The following ATXN1 variants were observed in gnomAD, a reference collection of about 807,000 sequenced individuals.
ATXN1 encodes ataxin 1.
In ATXN1, 8 loss-of-function variants were observed where a neutral mutation model predicts 56.4. The ratio of observed to expected loss-of-function variants is 0.14; its 90% confidence interval spans 0.08 to 0.26. The LOEUF (loss-of-function observed/expected upper bound fraction) is 0.26. Ranked by LOEUF, ATXN1 falls within the 10% of genes least tolerant of loss-of-function variation. The pLI is 1.00. For missense variants in ATXN1, 987 were observed against 1,106.5 expected (o/e 0.89, Z 1.53); for synonymous variants, 514 against 494.6 (o/e 1.04, Z -0.52).
At chr6:16,718,105 G>C (rs939713022) in intron 2 of ATXN1, among the ~76,000 whole-genome samples, 1 of 152,242 alleles carries the variant, frequency 6.6e-6, no homozygotes, top group Non-Finnish European at 1.5e-5. Context: ...AAGGTGCAAT[G>C]AACAGTTTAT....
chr6:16,594,953 C>T (rs1762788986), intron 3 of ATXN1, among the ~76,000 whole-genome samples: 1 of 152,164 alleles, frequency 6.6e-6, no homozygotes, highest in African/African-American at 2.4e-5. Flanking sequence ...TTAGATTGGA[C>T]TGAGGGTTAA....
intron 6 of ATXN1, among the ~76,000 whole-genome samples, chr6:16,397,088 G>A (rs1357012636): frequency 6.6e-6 from 1 of 152,170 alleles, no homozygotes; most frequent in African/African-American, 2.4e-5. Flanking sequence ...ATGCACGACT[G>A]TCCTATATGG....
chr6:16,659,820 C>G (rs1268268651), intron 2 of ATXN1, among the ~76,000 whole-genome samples: 1 of 152,032 alleles, frequency 6.6e-6, no homozygotes, highest in Non-Finnish European at 1.5e-5. Flanking sequence ...ATATTATTTT[C>G]AACTATCTTG....
At chr6:16,441,103 G>A (rs1450497055) in intron 6 of ATXN1, among the ~76,000 whole-genome samples, 2 of 152,138 alleles carry the variant, frequency 1.3e-5, no homozygotes, top group African/African-American at 4.8e-5. Flanking sequence ...ATGGGGTGAG[G>A]GCAAGGAACC....
At chr6:16,707,303 AG>A (rs1759428795) in intron 2 of ATXN1, among the ~76,000 whole-genome samples, 1 of 152,196 alleles carries the variant, frequency 6.6e-6, no homozygotes, top group Non-Finnish European at 1.5e-5. Context: ...AGAATAGGGT[AG>A]GAAAAAATAA....
At chr6:16,341,606 C>T (rs562310493) in intron 6 of ATXN1, among the ~76,000 whole-genome samples, 1 of 150,468 alleles carries the variant, frequency 6.6e-6, no homozygotes, top group South Asian at 2.1e-4. Flanking sequence ...GCAAGCTCCA[C>T]CTCCCGGGTT....
At chr6:16,346,002 GCA>G (rs1458311348) in intron 6 of ATXN1, among the ~76,000 whole-genome samples, 1 of 152,158 alleles carries the variant, frequency 6.6e-6, no homozygotes, top group African/African-American at 2.4e-5. Context: ...TCTGAATGAG[GCA>G]CACTGTCAAA....
At chr6:16,594,406 T>C (rs1337426898) in intron 3 of ATXN1, among the ~76,000 whole-genome samples, 1 of 151,956 alleles carries the variant, frequency 6.6e-6, no homozygotes, top group African/African-American at 2.4e-5. Context: ...TGATAAATCA[T>C]TTCAGAATCA....
intron 3 of ATXN1, among the ~76,000 whole-genome samples, chr6:16,586,747 A>G (rs171055): frequency 0.18 from 27,164 of 152,188 alleles, 4,702 homozygotes; most frequent in African/African-American, 0.46. Context: ...GGGCTGGGGC[A>G]TGGTGGCTCA....
chr6:16,344,831 C>A (rs994138796), intron 6 of ATXN1, among the ~76,000 whole-genome samples: 1 of 152,334 alleles, frequency 6.6e-6, no homozygotes, highest in Middle Eastern at 3.4e-3. Flanking sequence ...TCCTGTCTGT[C>A]TAGAGAACCC....
intron 7 of ATXN1, among the ~76,000 whole-genome samples, chr6:16,324,292 T>C (rs1029238286): frequency 2.6e-5 from 4 of 152,074 alleles, no homozygotes; most frequent in Admixed American, 6.6e-5. Context: ...AAATGTTTTT[T>C]ATTTTTAAAT....
intron 2 of ATXN1, among the ~76,000 whole-genome samples, chr6:16,693,122 G>A (rs894404170): frequency 6.6e-6 from 1 of 152,192 alleles, no homozygotes; most frequent in Non-Finnish European, 1.5e-5. Flanking sequence ...CAGAAGAACT[G>A]ATATCTACCT....
At position 16,448,524 on chromosome 6, in the gene ATXN1, C is replaced by T. The variant is rs116198721; in HGVS notation, c.-161+37448G>A. On this transcript the variant is annotated intron_variant, in intron 6 of 7. Transcript: ENST00000436367. ...TACTATTGAATCCTAAAACTTACTC[C>T]TTCTATTTAACTGTATTTTTGTATC... Among the ~76,000 whole-genome samples, 1,288 of 152,246 alleles carry T rather than the reference C, an allele frequency of 8.5e-3. 5 individuals carry two copies. The highest frequency in any genetic ancestry group is 0.015 in the Non-Finnish European group (987 of 68,008).
chr6:16,512,263 G>A (rs781324180), intron 5 of ATXN1, among the ~76,000 whole-genome samples: 3 of 152,178 alleles, frequency 2.0e-5, no homozygotes, highest in East Asian at 1.9e-4. Context: ...TTGAGTATCC[G>A]TAAATAACTC....
chr6:16,702,850 T>C (rs1163634621), intron 2 of ATXN1, among the ~76,000 whole-genome samples: 1 of 152,180 alleles, frequency 6.6e-6, no homozygotes, highest in Non-Finnish European at 1.5e-5. Flanking sequence ...GGAGAGGATG[T>C]GGAGACATAG....
intron 4 of ATXN1, among the ~76,000 whole-genome samples, chr6:16,527,858 T>C (rs572121185): frequency 6.6e-6 from 1 of 152,308 alleles, no homozygotes; most frequent in African/African-American, 2.4e-5. Flanking sequence ...ATTCAGGACC[T>C]GGTGAGATGT....
chr6:16,493,431 C>T (rs1040778534), intron 5 of ATXN1, among the ~76,000 whole-genome samples: 4 of 148,720 alleles, frequency 2.7e-5, no homozygotes, highest in Non-Finnish European at 5.9e-5. Context: ...TATTCTACAA[C>T]TTTCTCAATC....
rs954079686 is a variant in ATXN1 at position 16,306,907 on chromosome 6, T to C, written c.1918-48A>G. On this transcript the variant is annotated intron_variant, in intron 7 of 7. Transcript: ENST00000436367. This position sits in a 1 kb window ranked among gnomAD's most constrained non-coding sequence, Gnocchi z 5.2. Reference sequence around the variant, plus strand: ...AGAGAGGAAGAAGGAAGGGAACAAATGAAAACATTTTATTCTTGTTTGATT... The same window carrying C: ...AGAGAGGAAGAAGGAAGGGAACAAACGAAAACATTTTATTCTTGTTTGATT... The C allele has an allele frequency of 4.6e-6, 7 of 1,527,828 alleles. No individual in the cohort carries two copies. Among genetic ancestry groups the C allele is most frequent in the Non-Finnish European group, 5.3e-6 (6 of 1,139,548 alleles). 94.6% of individuals were successfully genotyped at this position (1,527,828 alleles called of 1,614,324 possible).
At chr6:16,737,906 A>G (rs1760193856) in intron 2 of ATXN1, 1 of 152,210 alleles carries the variant, frequency 6.6e-6, no homozygotes, top group Non-Finnish European at 1.5e-5. Context: ...CAAGTAGCAA[A>G]TTAGTTATAA....
Sources: gnomAD v4.1 joint callset for allele counts (sites outside exome capture counted in the v4.1 genomes callset) on GRCh38, gnomAD v4.1.1 for gene constraint, Gnocchi (gnomAD v3.1) non-coding constraint, MANE v1.5 for transcripts, NCBI Gene and HGNC (gene_info 2026-07-23, HGNC 2026-07-21) for gene names.